Variants in ZNF709 observed in about 807,000 individuals in gnomAD.
ZNF709 encodes the protein zinc finger protein 709.
In ZNF709, 15 loss-of-function variants were observed where a neutral mutation model predicts 10.6. That is an observed-to-expected ratio of 1.41 (90% CI 0.95 to 2.18). The LOEUF is 2.18. Among genes scored for constraint, ZNF709 ranks in the 30% most tolerant of loss-of-function variants. The probability of loss-of-function intolerance (pLI) is 0.00; values close to 1 mark genes in which losing one functional copy is unlikely to be tolerated. For synonymous variants in ZNF709, 194 were observed against 238.8 expected (o/e 0.81, Z 1.73); for missense variants, 589 against 774.0 (o/e 0.76, Z 2.84).
intron 1 of ZNF709, among the ~76,000 whole-genome samples, chr19:12,480,084 G>A (rs768301845): frequency 6.6e-6 from 1 of 151,964 alleles, no homozygotes; most frequent in East Asian, 1.9e-4. Flanking sequence ...GGTGAAAGGA[G>A]TTCAGGGCTG....
chr19:12,482,326 G>C (rs1970736493), intron 1 of ZNF709, among the ~76,000 whole-genome samples: 1 of 152,096 alleles, frequency 6.6e-6, no homozygotes, highest in Non-Finnish European at 1.5e-5. Context: ...CATTCTTGCT[G>C]TTGGGCAACA....
At chr19:12,468,667 G>A (rs1164490248) in intron 1 of ZNF709, among the ~76,000 whole-genome samples, 5 of 139,172 alleles carry the variant, frequency 3.6e-5, no homozygotes, top group African/African-American at 5.4e-5. Context: ...CCCCCTCTGC[G>A]AGAAACACCC....
chr19:12,478,623 C>A (rs912681377), intron 1 of ZNF709, among the ~76,000 whole-genome samples: 3 of 152,196 alleles, frequency 2.0e-5, no homozygotes, highest in African/African-American at 7.2e-5. Context: ...AGAACAGACA[C>A]CAAAGGGTAT....
chr19:12,480,542 G>T (rs1268899185), intron 1 of ZNF709, among the ~76,000 whole-genome samples: 1 of 152,034 alleles, frequency 6.6e-6, no homozygotes, highest in Non-Finnish European at 1.5e-5. Flanking sequence ...AATTATCCGG[G>T]CGTGGTGGCG....
At chr19:12,477,778 T>C (rs891350224) in intron 1 of ZNF709, among the ~76,000 whole-genome samples, 4 of 152,218 alleles carry the variant, frequency 2.6e-5, no homozygotes, top group African/African-American at 9.6e-5. Flanking sequence ...GGACCTCTTT[T>C]TCAGCATTTT....
Position 12,484,762 on chromosome 19 carries a change from T to C in ZNF709, c.-105A>G. The C allele has an allele frequency of 6.6e-7, 1 of 1,514,530 alleles. No individual in the cohort carries two copies. The highest frequency in any genetic ancestry group is 1.1e-5 in the South Asian group (1 of 88,336). The allele number at this position is 1,514,530 out of a possible 1,614,324, so 93.8% of individuals were successfully genotyped here. ...TCCTCCACCTGAGGGCCTTCTGGGG[T>C]GAGGAGACCCCAGAGCGGAGCGCAG... On this transcript the variant is annotated 5_prime_UTR_variant, in exon 1 of 4. Coordinates refer to ENST00000397732, the MANE Select transcript of ZNF709 (RefSeq NM_152601.4).
intron 3 of ZNF709, among the ~76,000 whole-genome samples, chr19:12,465,941 C>CTTTTTTTTTTTTTTTTTTTTTTTTT (rs67044147): frequency 7.3e-6 from 1 of 136,326 alleles, no homozygotes; most frequent in Non-Finnish European, 1.6e-5. Context: ...GAGTTTATTT[C>CTTTTTTTTTTTTTTTTTTTTTTTTT]TTTTTTTTTT....
intron 1 of ZNF709, among the ~76,000 whole-genome samples, chr19:12,473,485 C>T (rs1282622898): frequency 6.6e-6 from 1 of 152,142 alleles, no homozygotes; most frequent in Non-Finnish European, 1.5e-5. Context: ...CAGAGGAGAA[C>T]ATCAATAGAC....
rs552387733 is a variant in ZNF709, at chr19:12,484,780, G to A, written c.-123C>T. 1.5e-6 allele frequency: 2 copies of A among 1,348,984 alleles called. No individual in the cohort carries two copies. Among genetic ancestry groups the A allele is most frequent in the Non-Finnish European group, 1.0e-6 (1 of 970,062 alleles). The allele number at this position is 1,348,984 out of a possible 1,614,324, so 83.6% of individuals were successfully genotyped here. A position where few individuals can be genotyped will look rare whatever the true frequency, so the allele number is the denominator to read the frequency against. On this transcript the variant is annotated 5_prime_UTR_variant, in exon 1 of 4. Coordinates refer to ENST00000397732, the MANE Select transcript of ZNF709 (RefSeq NM_152601.4). Reference sequence around the variant, plus strand: ...TCTGGGGTGAGGAGACCCCAGAGCGGAGCGCAGCGGCTGGTAGCCACGCCC... The same window carrying A: ...TCTGGGGTGAGGAGACCCCAGAGCGAAGCGCAGCGGCTGGTAGCCACGCCC...
intron 1 of ZNF709, among the ~76,000 whole-genome samples, chr19:12,477,175 C>T (rs997101285): frequency 2.6e-5 from 4 of 152,114 alleles, no homozygotes; most frequent in Non-Finnish European, 5.9e-5. Context: ...TGTGGGTTGC[C>T]ATTCATTCTC....
Position 12,463,926 on chromosome 19 carries a change from C to CAAA in ZNF709, c.*67_*69dup, listed in dbSNP as rs60000717. On this transcript the variant is annotated 3_prime_UTR_variant, in exon 4 of 4. Coordinates refer to ENST00000397732, the MANE Select transcript of ZNF709 (RefSeq NM_152601.4). ...AGGGCAACAGAGTGAGAATTCAACT[C>CAAA]AAAAAAAAAAAAAAAAAAAAAGGAA... 4.8e-3 allele frequency: 4,407 copies of CAAA among 910,376 alleles called. 1 individual carries two copies. Among genetic ancestry groups the CAAA allele is most frequent in the Non-Finnish European group, 5.4e-3 (3,764 of 695,172 alleles). 56.4% of individuals were successfully genotyped at this position (910,376 alleles called of 1,614,324 possible).
At chr19:12,482,841 T>C (rs982009151) in intron 1 of ZNF709, among the ~76,000 whole-genome samples, 1 of 152,064 alleles carries the variant, frequency 6.6e-6, no homozygotes, top group Non-Finnish European at 1.5e-5. Flanking sequence ...GGGCCTTCGA[T>C]TACATCCCTT....
chr19:12,465,188 GT>G lies in ZNF709; in HGVS notation c.733del (p.Thr245LeufsTer111). 1 of 1,614,054 alleles carries G rather than the reference GT, an allele frequency of 6.2e-7. No individual in the cohort carries two copies. The highest frequency in any genetic ancestry group is 8.5e-7 in the Non-Finnish European group (1 of 1,179,986). On this transcript the variant is annotated frameshift_variant, in exon 4 of 4. Transcript: ENST00000397732. LOFTEE classifies it low-confidence loss of function (END_TRUNC). Reference protein sequence around the residue: ...HPSSFRNHERTHSGEKPYECK... With the variant: ...HPSSFRNHERXHSGEKPYECK... ...TTCATAGGGTTTCTCTCCAGAGTGA[GT>G]TCTTTCATGATTTCGAAAAGAACTG...
intron 3 of ZNF709, 86 bp from the exon 4 acceptor site, chr19:12,465,819 TAGTA>T: frequency 9.2e-7 from 1 of 1,091,010 alleles, no homozygotes; most frequent in Non-Finnish European, 1.2e-6. Context: ...TCACAATCAT[TAGTA>T]GGTAGTAGAA....
At chr19:12,476,453 C>T (rs544630415) in intron 1 of ZNF709, among the ~76,000 whole-genome samples, 1 of 151,840 alleles carries the variant, frequency 6.6e-6, no homozygotes, top group South Asian at 2.1e-4. Flanking sequence ...CTAGGTGACC[C>T]TGGGTTTGGT....
chr19:12,471,929 G>T (rs994552693), intron 1 of ZNF709, among the ~76,000 whole-genome samples: 6 of 152,070 alleles, frequency 3.9e-5, no homozygotes, highest in African/African-American at 1.4e-4. Context: ...AGACTGAAAA[G>T]TTCAAACATA....
chr19:12,484,617 T>C, intron 1 of ZNF709, 38 bp downstream of exon 1: 2 of 1,574,394 alleles, frequency 1.3e-6, no homozygotes, highest in Non-Finnish European at 1.7e-6. Flanking sequence ...AACCCGCCCC[T>C]CTCTCCCATC....
chr19:12,484,538 G>T, intron 1 of ZNF709, 117 bp downstream of exon 1: 4 of 1,417,678 alleles, frequency 2.8e-6, no homozygotes, highest in Non-Finnish European at 3.9e-6. Flanking sequence ...AGGAGGACTC[G>T]GGTCCACAGA....
chr19:12,476,687 A>G (rs906593868), intron 1 of ZNF709, among the ~76,000 whole-genome samples: 1 of 152,234 alleles, frequency 6.6e-6, no homozygotes, highest in Non-Finnish European at 1.5e-5. Context: ...TGCCTCCAGA[A>G]CATCAAAAGA....
Sources: gnomAD v4.1 joint callset for allele counts (sites outside exome capture counted in the v4.1 genomes callset) on GRCh38, gnomAD v4.1.1 for gene constraint, MANE v1.5 for transcripts, NCBI Gene and HGNC (gene_info 2026-07-23, HGNC 2026-07-21) for gene names.